MAGI3: variants seen among roughly 807,000 people sequenced by gnomAD.
The protein encoded by MAGI3 is membrane associated guanylate kinase, WW and PDZ domain containing 3, also known as membrane-associated guanylate kinase, WW and PDZ domain-containing protein 3.
MAGI3 carries 43 observed loss-of-function variants against 121.8 expected under a neutral mutation model. The observed-to-expected ratio is 0.35, with a 90% CI of 0.28 to 0.46. The LOEUF (loss-of-function observed/expected upper bound fraction) is 0.46. MAGI3 is among the 20% of genes least tolerant of loss of function. The pLI is 1.00. For missense variants in MAGI3, 1,547 were observed against 1,797.3 expected, an observed-to-expected ratio of 0.86 and a Z score of 2.52; for synonymous variants, 553 against 639.3, an observed-to-expected ratio of 0.86 and a Z score of 2.04.
intron 1 of MAGI3, among the ~76,000 whole-genome samples, chr1:113,546,658 T>C (rs1376513188): frequency 6.6e-6 from 1 of 151,488 alleles, no homozygotes; most frequent in African/African-American, 2.4e-5. Context: ...CTTACAAAAT[T>C]GTCCCTCACA....
chr1:113,399,593 T>TA (rs1472978779), intron 1 of MAGI3, among the ~76,000 whole-genome samples: 1 of 152,124 alleles, frequency 6.6e-6, no homozygotes, highest in Non-Finnish European at 1.5e-5. Flanking sequence ...AATATTTAAA[T>TA]AAAAAATTGC....
rs189267091 is a variant in MAGI3, at chr1:113,444,392, T to C, written c.316+53043T>C. On this transcript the variant is annotated intron_variant, in intron 1 of 20. Transcript: ENST00000307546. Reference sequence around the variant, plus strand: ...AGGGGATTTAAAGGGTTAGCACCTTTACCTCCTCATTTTTCTCTTTTTGGG... The same window carrying C: ...AGGGGATTTAAAGGGTTAGCACCTTCACCTCCTCATTTTTCTCTTTTTGGG... Among the ~76,000 whole-genome samples the C allele has an allele frequency of 2.0e-5, 3 of 152,330 alleles. No individual in the cohort carries two copies. In the East Asian group the frequency reaches 5.8e-4, roughly 29 times the overall value.
Position 113,681,325 on chromosome 1 carries a change from T to C in MAGI3, c.3317T>C (p.Ile1106Thr). The change falls in exon 20 of 21, where the codon ATA (isoleucine) becomes ACA (threonine). Residue 1106 changes from isoleucine (I) to threonine (T), a missense_variant. Transcript: ENST00000307546. ...LLLLRPGTGL[I>T]PDHGDWDINN... is the part of the protein sequence containing the mutation. ...CTTTTGAGGCCAGGAACTGGCTTGA[T>C]ACCTGACCATGGTAAGTAAAGTAGC... 12 of 1,613,792 alleles carry C rather than the reference T, an allele frequency of 7.4e-6. No individual in the cohort carries two copies. Among genetic ancestry groups the C allele is most frequent in the Non-Finnish European group, 1.0e-5 (12 of 1,179,908 alleles).
chr1:113,570,736 G>A (rs563952633), intron 2 of MAGI3, among the ~76,000 whole-genome samples: 8 of 151,974 alleles, frequency 5.3e-5, no homozygotes, highest in African/African-American at 1.7e-4. Flanking sequence ...TTTTGATGGG[G>A]TAGTTTGTTT....
intron 1 of MAGI3, among the ~76,000 whole-genome samples, chr1:113,467,475 C>T (rs1655346322): frequency 6.6e-6 from 1 of 151,940 alleles, no homozygotes; most frequent in African/African-American, 2.4e-5. Context: ...TCTGATGTTT[C>T]TTTGTTGGTT....
intron 1 of MAGI3, among the ~76,000 whole-genome samples, chr1:113,490,297 T>A (rs967779715): frequency 2.0e-5 from 3 of 152,030 alleles, no homozygotes; most frequent in African/African-American, 7.2e-5. Context: ...GCTTCATAAG[T>A]GAAAGAGAAA....
At chr1:113,605,247 T>C (rs1421241081) in intron 6 of MAGI3, among the ~76,000 whole-genome samples, 1 of 152,068 alleles carries the variant, frequency 6.6e-6, no homozygotes, top group Non-Finnish European at 1.5e-5. Flanking sequence ...ATCCCAGATA[T>C]CTATCAAGAA....
At chr1:113,551,831 C>CT (rs981283186) in intron 2 of MAGI3, among the ~76,000 whole-genome samples, 5 of 151,460 alleles carry the variant, frequency 3.3e-5, no homozygotes, top group East Asian at 1.9e-4. Context: ...TTGTAGGGAT[C>CT]TTTTTTTTAA....
intron 6 of MAGI3, among the ~76,000 whole-genome samples, chr1:113,609,073 C>T (rs1023319108): frequency 1.3e-5 from 2 of 152,158 alleles, no homozygotes; most frequent in Admixed American, 6.6e-5. Flanking sequence ...CTATACTTAT[C>T]TTCGGGGGAG....
chr1:113,407,437 G>C (rs1366296848), intron 1 of MAGI3, among the ~76,000 whole-genome samples: 1 of 152,054 alleles, frequency 6.6e-6, no homozygotes, highest in East Asian at 1.9e-4. Flanking sequence ...CCAGGAATAG[G>C]AAAGACAGGA....
At chr1:113,594,438 C>A (rs565652768) in intron 5 of MAGI3, 43 bp from the exon 6 acceptor site, 133 of 1,463,646 alleles carry the variant, frequency 9.1e-5, no homozygotes, top group Non-Finnish European at 1.2e-4. Context: ...TAATTTTCTC[C>A]TCCTTTATTT....
intron 7 of MAGI3, among the ~76,000 whole-genome samples, chr1:113,615,229 C>G (rs563427972): frequency 6.6e-6 from 1 of 152,228 alleles, no homozygotes; most frequent in East Asian, 1.9e-4. Context: ...CCTATGTTAG[C>G]CAGAGAAATT....
intron 1 of MAGI3, among the ~76,000 whole-genome samples, chr1:113,437,324 A>G (rs1653618851): frequency 2.0e-5 from 3 of 152,254 alleles, no homozygotes; most frequent in African/African-American, 7.2e-5. Context: ...TAAAGTTGGA[A>G]TTAGAGCAAG....
chr1:113,630,742 TC>T (rs1165984602), intron 9 of MAGI3, among the ~76,000 whole-genome samples: 14 of 152,146 alleles, frequency 9.2e-5, no homozygotes, highest in South Asian at 4.2e-4. Context: ...GCCACTGTGC[TC>T]CCCCTCTCAC....
chr1:113,580,555 C>T lies in MAGI3; in HGVS notation c.447C>T (p.Ala149=). 3 of 1,609,814 alleles carry T rather than the reference C, an allele frequency of 1.9e-6. No homozygotes were observed. Among genetic ancestry groups the T allele is most frequent in the Non-Finnish European group, 2.5e-6 (3 of 1,177,732 alleles). The change falls in exon 3 of 21, where the codon GCC becomes GCT. Residue 149 remains alanine, a synonymous_variant. Coordinates refer to ENST00000307546, the MANE Select transcript of MAGI3 (RefSeq NM_001142782.2). ...YLRTIPCTTR[A]PRDGEVPGVD... is the part of the protein sequence containing the mutation. The stretch of plus-strand genomic sequence containing the variant: ...CTTTTTTCTTAGGCACTACAAGGGC[C>T]CCCAGGGATGGAGAAGTACCAGGAG...
At chr1:113,425,408 G>A (rs1450547238) in intron 1 of MAGI3, among the ~76,000 whole-genome samples, 2 of 142,662 alleles carry the variant, frequency 1.4e-5, no homozygotes, top group South Asian at 2.4e-4. Context: ...TCAGCCTCCC[G>A]AATAGCTGGG....
intron 2 of MAGI3, among the ~76,000 whole-genome samples, chr1:113,579,903 ATC>A: frequency 6.6e-6 from 1 of 152,030 alleles, no homozygotes; most frequent in East Asian, 1.9e-4. Context: ...AAAATCCTGT[ATC>A]TCTTTGTATT....
chr1:113,447,862 A>AC (rs2101476532), intron 1 of MAGI3, among the ~76,000 whole-genome samples: 1 of 152,220 alleles, frequency 6.6e-6, no homozygotes, highest in Admixed American at 6.5e-5. Flanking sequence ...CTCAAAAAAA[A>AC]AAAATTGTGC....
At chr1:113,650,897 G>A in intron 13 of MAGI3, 117 bp from the exon 14 acceptor site, 2 of 861,260 alleles carry the variant, frequency 2.3e-6, no homozygotes, top group Non-Finnish European at 3.6e-6. Context: ...AAATATAACT[G>A]TTTTCATAGT....
Sources: allele counts gnomAD v4.1 joint callset (sites outside exome capture counted in the v4.1 genomes callset), GRCh38; gene constraint gnomAD v4.1.1; transcripts MANE v1.5; gene names NCBI Gene and HGNC (gene_info 2026-07-23, HGNC 2026-07-21).